NKAIN2: variants seen among roughly 807,000 people sequenced by gnomAD.
The protein encoded by NKAIN2 is sodium/potassium-transporting ATPase subunit beta-1-interacting protein 2.
NKAIN2 carries 14 observed loss-of-function variants against 32.6 expected under a neutral mutation model. The observed-to-expected ratio is 0.43, with a 90% CI of 0.28 to 0.67. The LOEUF (loss-of-function observed/expected upper bound fraction) is 0.67. NKAIN2 is among the 30% of genes least tolerant of loss of function. NKAIN2 has a pLI of 0.17. For missense variants in NKAIN2, 198 were observed against 258.3 expected, an observed-to-expected ratio of 0.77 and a Z score of 1.60; for synonymous variants, 80 against 87.2, an observed-to-expected ratio of 0.92 and a Z score of 0.46.
chr6:124,594,902 AAGAT>A (rs1782029984), intron 3 of NKAIN2, among the ~76,000 whole-genome samples: 1 of 152,100 alleles, frequency 6.6e-6, no homozygotes, highest in Non-Finnish European at 1.5e-5. Flanking sequence ...GGAAGGTGGA[AAGAT>A]AGGCACAGGC....
chr6:124,551,185 G>A (rs1450484624), intron 3 of NKAIN2, among the ~76,000 whole-genome samples: 2 of 152,096 alleles, frequency 1.3e-5, no homozygotes, highest in African/African-American at 4.8e-5. Context: ...TGTAATGGTG[G>A]GCCATAAAAT....
chr6:124,682,432 G>A (rs1413583895), intron 4 of NKAIN2, among the ~76,000 whole-genome samples: 4 of 152,150 alleles, frequency 2.6e-5, no homozygotes, highest in Non-Finnish European at 5.9e-5. Context: ...CAATGTTTGA[G>A]TAGGAGCATA....
At chr6:124,171,852 CT>C (rs1205322762) in intron 1 of NKAIN2, among the ~76,000 whole-genome samples, 122 of 136,022 alleles carry the variant, frequency 9.0e-4, no homozygotes, top group Non-Finnish European at 9.4e-4. Context: ...GCGGCCGACT[CT>C]TTTTTTTTTT....
At chr6:124,063,730 A>T (rs1419795315) in intron 1 of NKAIN2, among the ~76,000 whole-genome samples, 4 of 152,124 alleles carry the variant, frequency 2.6e-5, no homozygotes, top group African/African-American at 9.7e-5. Context: ...CTCATTATAA[A>T]GGAAATCAAT....
At chr6:124,173,250 A>G (rs1342249978) in intron 1 of NKAIN2, among the ~76,000 whole-genome samples, 2 of 152,156 alleles carry the variant, frequency 1.3e-5, no homozygotes, top group Non-Finnish European at 2.9e-5. Context: ...TTACATATGA[A>G]TTCAAAATGA....
chr6:124,027,341 A>G (rs928549028), intron 1 of NKAIN2, among the ~76,000 whole-genome samples: 1 of 151,920 alleles, frequency 6.6e-6, no homozygotes, highest in African/African-American at 2.4e-5. Context: ...GGGTTTCACC[A>G]TGTTGGCCAC....
At chr6:123,856,395 C>T (rs1394536588) in intron 1 of NKAIN2, among the ~76,000 whole-genome samples, 1 of 152,096 alleles carries the variant, frequency 6.6e-6, no homozygotes, top group Non-Finnish European at 1.5e-5. Flanking sequence ...TTCACTTATT[C>T]CTATTTTAGT....
chr6:124,425,670 G>A (rs1048438190), intron 3 of NKAIN2, among the ~76,000 whole-genome samples: 5 of 151,964 alleles, frequency 3.3e-5, no homozygotes, highest in Admixed American at 6.6e-5. Flanking sequence ...CAAAGAAGAC[G>A]TACCTACCAA....
At chr6:123,905,757 G>A (rs1281071376) in intron 1 of NKAIN2, among the ~76,000 whole-genome samples, 4 of 152,160 alleles carry the variant, frequency 2.6e-5, no homozygotes, top group Non-Finnish European at 5.9e-5. Context: ...GGGGATGGAA[G>A]TGAACCAGTT....
intron 4 of NKAIN2, among the ~76,000 whole-genome samples, chr6:124,694,918 T>C (rs1562328722): frequency 1.3e-5 from 2 of 151,972 alleles, no homozygotes; most frequent in Non-Finnish European, 2.9e-5. Flanking sequence ...AGTATACAAA[T>C]AGGTGATAGA....
intron 1 of NKAIN2, among the ~76,000 whole-genome samples, chr6:123,962,732 C>T (rs930928456): frequency 1.3e-5 from 2 of 152,162 alleles, no homozygotes; most frequent in Admixed American, 1.3e-4. Flanking sequence ...AACCACGCCA[C>T]GTGAGGCACA....
At chr6:124,580,918 A>G (rs1318303690) in intron 3 of NKAIN2, among the ~76,000 whole-genome samples, 1 of 152,232 alleles carries the variant, frequency 6.6e-6, no homozygotes, top group Admixed American at 6.5e-5. Flanking sequence ...ATTTAAAAAC[A>G]AAAACTATAA....
At chr6:124,667,284 A>C (rs1177648126) in intron 4 of NKAIN2, among the ~76,000 whole-genome samples, 1 of 152,118 alleles carries the variant, frequency 6.6e-6, no homozygotes, top group Non-Finnish European at 1.5e-5. Flanking sequence ...TTGCAAAAAA[A>C]ATCACCAATA....
At chr6:123,830,481 C>T (rs1421466438) in intron 1 of NKAIN2, among the ~76,000 whole-genome samples, 2 of 152,142 alleles carry the variant, frequency 1.3e-5, no homozygotes, top group South Asian at 4.1e-4. Context: ...TGGTATTCTC[C>T]GTGCTACCCT....
chr6:124,759,588 AACACACACACACACACACACAC>A (rs542448143), intron 4 of NKAIN2, among the ~76,000 whole-genome samples: 3,262 of 84,492 alleles, frequency 0.039, 104 homozygotes, highest in East Asian at 0.052. Context: ...CTGAAATTGC[AACACACACACACACACACACAC>A]ACACACACAC....
intron 1 of NKAIN2, among the ~76,000 whole-genome samples, chr6:124,022,057 A>AT (rs1291324745): frequency 2.0e-5 from 1 of 51,236 alleles, no homozygotes; most frequent in Non-Finnish European, 3.7e-5. Flanking sequence ...CCCCTACCCC[A>AT]TGACAGGCCC....
chr6:124,072,331 GA>G (rs1457920725), intron 1 of NKAIN2, among the ~76,000 whole-genome samples: 1 of 151,976 alleles, frequency 6.6e-6, no homozygotes, highest in African/African-American at 2.4e-5. Context: ...AGGAAATGGG[GA>G]AAGACTGAAA....
intron 1 of NKAIN2, among the ~76,000 whole-genome samples, chr6:124,242,296 C>G (rs537542714): frequency 6.6e-5 from 10 of 152,214 alleles, no homozygotes; most frequent in African/African-American, 2.2e-4. Flanking sequence ...TGAAAAGAAG[C>G]TCATCATCAC....
At chr6:124,017,531 G>T (rs567628536) in intron 1 of NKAIN2, among the ~76,000 whole-genome samples, 5 of 152,262 alleles carry the variant, frequency 3.3e-5, no homozygotes, top group African/African-American at 1.2e-4. Context: ...AAGCAAGTTA[G>T]TTACTTCCTA....
Sources: allele counts gnomAD v4.1 joint callset (sites outside exome capture counted in the v4.1 genomes callset), GRCh38; gene constraint gnomAD v4.1.1; transcripts MANE v1.5; gene names NCBI Gene and HGNC (gene_info 2026-07-23, HGNC 2026-07-21).